The following EPHA6 variants were observed in gnomAD, a reference collection of about 807,000 sequenced individuals.
The protein encoded by EPHA6 is ephrin type-A receptor 6.
EPHA6 carries 50 observed loss-of-function variants against 112.0 expected under a neutral mutation model. The observed-to-expected ratio is 0.45, with a 90% CI of 0.36 to 0.56. The LOEUF (loss-of-function observed/expected upper bound fraction) is 0.56, where lower values mean the gene tolerates loss of function less well. EPHA6 is among the 20% of genes least tolerant of loss of function. EPHA6 has a pLI of 0.00. For synonymous variants in EPHA6, 529 were observed against 490.7 expected (o/e 1.08, Z -1.03); for missense variants, 1,280 against 1,417.4 (o/e 0.90, Z 1.56).
rs1218426459 is a variant in EPHA6, at chr3:97,716,574, C to CAAAAAAAA, written c.2785-3670_2785-3663dup. 2.6e-3 allele frequency among the ~76,000 whole-genome samples: 97 copies of CAAAAAAAA among 37,216 alleles called. 8 individuals are homozygous for CAAAAAAAA. The highest frequency in any genetic ancestry group is 0.016 in the African/African-American group (92 of 5,836). The allele number at this position is 37,216 out of a possible 152,430, so 24.4% of individuals were successfully genotyped here. The stretch of plus-strand genomic sequence containing the variant: ...CGGGCGACAGAGCGAGACTCCGTCT[C>CAAAAAAAA]AAAAAAAAAAAAAAAAAAAAAAAAG... On this transcript the variant is annotated intron_variant, in intron 14 of 17. Transcript: ENST00000389672.
At chr3:97,701,507 T>C (rs1485214626) in intron 14 of EPHA6, among the ~76,000 whole-genome samples, 1 of 152,152 alleles carries the variant, frequency 6.6e-6, no homozygotes, top group Non-Finnish European at 1.5e-5. Flanking sequence ...ACTTATTATA[T>C]CTGATATCTA....
At chr3:97,208,790 T>C (rs750723962) in intron 3 of EPHA6, among the ~76,000 whole-genome samples, 1 of 151,970 alleles carries the variant, frequency 6.6e-6, no homozygotes, top group Non-Finnish European at 1.5e-5. Context: ...TGGAAATACA[T>C]TGGGAACATC....
chr3:96,906,746 G>A (rs931317330), intron 2 of EPHA6, among the ~76,000 whole-genome samples: 4 of 151,914 alleles, frequency 2.6e-5, no homozygotes, highest in Admixed American at 6.6e-5. Flanking sequence ...GTTAATAGGT[G>A]GAGTTTTTAA....
At chr3:97,592,555 A>G (rs1256445588) in intron 11 of EPHA6, 57 bp from the exon 12 acceptor site, 1 of 1,595,034 alleles carries the variant, frequency 6.3e-7, no homozygotes, top group Non-Finnish European at 8.6e-7. Context: ...CATGTAAATG[A>G]TCAATGCTTT....
intron 6 of EPHA6, among the ~76,000 whole-genome samples, chr3:97,423,228 A>G (rs2088823762): frequency 6.6e-6 from 1 of 152,184 alleles, no homozygotes; most frequent in African/African-American, 2.4e-5. Flanking sequence ...CTCTTCACAG[A>G]TGATACAATT....
chr3:97,641,743 A>C (rs1482890206), intron 14 of EPHA6, among the ~76,000 whole-genome samples: 1 of 152,198 alleles, frequency 6.6e-6, no homozygotes, highest in Non-Finnish European at 1.5e-5. Flanking sequence ...GGCTTAAAAA[A>C]CAGCGCACCA....
chr3:97,335,871 T>C (rs2083032304), intron 5 of EPHA6, among the ~76,000 whole-genome samples: 1 of 152,098 alleles, frequency 6.6e-6, no homozygotes, highest in Non-Finnish European at 1.5e-5. Context: ...TCAGGAGTTC[T>C]GCTTGGTGGG....
At chr3:97,224,114 G>A (rs900552145) in intron 3 of EPHA6, among the ~76,000 whole-genome samples, 5 of 151,940 alleles carry the variant, frequency 3.3e-5, no homozygotes, top group Non-Finnish European at 7.4e-5. Flanking sequence ...TGGATATATT[G>A]GGTTAAATAA....
intron 6 of EPHA6, among the ~76,000 whole-genome samples, chr3:97,429,340 G>A (rs965684636): frequency 6.6e-6 from 1 of 151,934 alleles, no homozygotes; most frequent in Admixed American, 6.6e-5. Context: ...CAGAATGAGG[G>A]TTATGGAAAA....
At chr3:96,931,877 A>C (rs534820987) in intron 2 of EPHA6, among the ~76,000 whole-genome samples, 6 of 152,170 alleles carry the variant, frequency 3.9e-5, no homozygotes, top group Non-Finnish European at 8.8e-5. Context: ...AGAGTTGCAC[A>C]CACCCTTGTT....
intron 11 of EPHA6, among the ~76,000 whole-genome samples, chr3:97,562,613 T>G (rs1252982903): frequency 6.6e-6 from 1 of 152,168 alleles, no homozygotes; most frequent in Non-Finnish European, 1.5e-5. Flanking sequence ...ACGCACATTG[T>G]TGACAGTGCA....
intron 10 of EPHA6, among the ~76,000 whole-genome samples, chr3:97,523,190 T>G (rs2092569124): frequency 1.3e-5 from 2 of 152,138 alleles, no homozygotes; most frequent in South Asian, 4.1e-4. Flanking sequence ...CTCTTAGAAC[T>G]GCCTTTGGTG....
At chr3:97,180,673 G>A (rs1399297421) in intron 3 of EPHA6, among the ~76,000 whole-genome samples, 3 of 152,056 alleles carry the variant, frequency 2.0e-5, no homozygotes, top group African/African-American at 7.2e-5. Flanking sequence ...TGGAATGGGA[G>A]ACTCACAACT....
At chr3:97,611,771 A>G (rs2093722438) in intron 13 of EPHA6, among the ~76,000 whole-genome samples, 1 of 151,562 alleles carries the variant, frequency 6.6e-6, no homozygotes, top group African/African-American at 2.4e-5. Context: ...TTTCTTCTTT[A>G]TTTTCATGTG....
chr3:97,340,582 C>G (rs898610579), intron 5 of EPHA6, among the ~76,000 whole-genome samples: 5 of 152,128 alleles, frequency 3.3e-5, no homozygotes, highest in Non-Finnish European at 7.4e-5. Context: ...TTAGTCTGCT[C>G]AGGCTACCAT....
In EPHA6 at chr3:97,055,180, C is replaced by G. The variant is rs1288024251; in HGVS notation, c.1114+67187C>G. ...AATATGAAAGTTACTGTGTTCTAGC[C>G]AAAAACCTATTGAACCTGACCCTCT... On this transcript the variant is annotated intron_variant, in intron 3 of 17. Transcript: ENST00000389672. Among the ~76,000 whole-genome samples the G allele has an allele frequency of 2.6e-5, 4 of 151,952 alleles. No individual in the cohort carries two copies. The East Asian group carries it at 7.7e-4, about 29-fold the overall frequency.
At chr3:96,913,340 A>T (rs2039327102) in intron 2 of EPHA6, among the ~76,000 whole-genome samples, 1 of 151,774 alleles carries the variant, frequency 6.6e-6, no homozygotes, top group South Asian at 2.1e-4. Flanking sequence ...ACTGTACTCC[A>T]GCTTGGGTGA....
intron 5 of EPHA6, among the ~76,000 whole-genome samples, chr3:97,380,227 C>A (rs1310143466): frequency 6.6e-6 from 1 of 151,830 alleles, no homozygotes; most frequent in South Asian, 2.1e-4. Flanking sequence ...TATATTTATT[C>A]AACACAAGGA....
intron 3 of EPHA6, among the ~76,000 whole-genome samples, chr3:97,127,160 T>TA (rs1469735775): frequency 1.3e-5 from 2 of 152,176 alleles, no homozygotes; most frequent in Admixed American, 6.5e-5. Context: ...TGTGTATTTT[T>TA]AAGGTAGGTT....
Sources: gnomAD v4.1 joint callset for allele counts (sites outside exome capture counted in the v4.1 genomes callset) on GRCh38, gnomAD v4.1.1 for gene constraint, MANE v1.5 for transcripts, NCBI Gene and HGNC (gene_info 2026-07-23, HGNC 2026-07-21) for gene names.